Variants in COL1A2 observed in about 807,000 individuals in gnomAD.
COL1A2 encodes collagen alpha-2(I) chain.
COL1A2 carries 49 observed loss-of-function variants against 174.3 expected under a neutral mutation model. That is an observed-to-expected ratio of 0.28 (90% CI 0.22 to 0.36). The LOEUF (loss-of-function observed/expected upper bound fraction) is 0.36. Ranked by LOEUF, COL1A2 falls within the 10% of genes least tolerant of loss-of-function variation. The pLI is 1.00. For synonymous variants in COL1A2, 655 were observed against 606.6 expected (o/e 1.08, Z -1.17); for missense variants, 1,438 against 1,822.7 (o/e 0.79, Z 3.84).
intron 39 of COL1A2, chr7:94,422,605 C>CAAAG (rs1792190095): frequency 4.7e-6 from 1 of 211,186 alleles, no homozygotes; most frequent in South Asian, 9.2e-5. Context: ...AAAGAAAAGG[C>CAAAG]AAAGTCCTTC....
rs543153999 is a variant in COL1A2, at chr7:94,415,893, T to A, written c.1765-512T>A. Among the ~76,000 whole-genome samples the A allele has an allele frequency of 2.0e-5, 3 of 152,228 alleles. No homozygotes were observed. In the East Asian group the frequency reaches 5.8e-4, roughly 29 times the overall value. On this transcript the variant is annotated intron_variant, in intron 30 of 51. Coordinates refer to ENST00000297268, the MANE Select transcript of COL1A2 (RefSeq NM_000089.4). ...AGATGTAAATTGGGAGATATTTAGATAGACAGACATATATATATATACACA... is the reference window on the plus strand; with the variant it reads ...AGATGTAAATTGGGAGATATTTAGAAAGACAGACATATATATATATACACA...
Position 94,404,862 on chromosome 7 carries a change from A to C in COL1A2, c.402A>C (p.Pro134=), listed in dbSNP as rs757043526. 6 of 1,613,950 alleles carry C rather than the reference A, an allele frequency of 3.7e-6. No homozygotes were observed. The East Asian group carries it at 1.3e-4, about 36-fold the overall frequency. Residue 134 remains proline (P), a synonymous_variant, in exon 9 of 52, where the codon CCA becomes CCC. Transcript: ENST00000297268. The part of the protein sequence containing the change: ...GQTGPAGARG[P]AGPPGKAGED... ...AGGGTCCTGCAGGTGCTCGTGGTCC[A>C]GCTGGCCCTCCTGGCAAGGCTGGTG...
At chr7:94,422,760 A>G (rs1443037784) in intron 39 of COL1A2, 197 bp from the exon 40 acceptor site, 1 of 661,000 alleles carries the variant, frequency 1.5e-6, no homozygotes. Flanking sequence ...GGTTGGTTAC[A>G]GCCTCATAAA....
intron 11 of COL1A2, 128 bp downstream of exon 11, chr7:94,405,854 G>A: frequency 1.2e-6 from 1 of 836,162 alleles, no homozygotes; most frequent in East Asian, 2.4e-5. Context: ...AGGGAAGAAA[G>A]AGTTAAAGAG....
intron 10 of COL1A2, 110 bp downstream of exon 10, chr7:94,405,362 A>G (rs1791774296): frequency 5.6e-6 from 6 of 1,080,176 alleles, no homozygotes; most frequent in Admixed American, 2.1e-5. Flanking sequence ...AACTCATAAC[A>G]TGAATCGAAG....
At chr7:94,430,178 A>C in intron 51 of COL1A2, 69 bp from the exon 52 acceptor site, 1 of 1,484,414 alleles carries the variant, frequency 6.7e-7, no homozygotes, top group East Asian at 2.3e-5. Flanking sequence ...TTATTAAATC[A>C]AAGGTTCAGA....
In COL1A2 at chr7:94,422,969, C is replaced by T. The variant is rs2115940848; in HGVS notation, c.2416C>T (p.Pro806Ser). The T allele has an allele frequency of 6.2e-7, 1 of 1,614,050 alleles. No homozygotes were observed. Among genetic ancestry groups the T allele is most frequent in the Middle Eastern group, 1.6e-4 (1 of 6,062 alleles). ...CATTTGCTCATAGGGTATTTCTGGC[C>T]CTCCTGGTCCCCCTGGTCCTGCTGG... ...GPPGPSGISGPPGPPGPAGKE... is the reference protein window; with the variant it reads ...GPPGPSGISGSPGPPGPAGKE... The change falls in exon 40 of 52, where the codon CCT (proline) becomes TCT (serine). Residue 806 changes from proline to serine, a missense_variant. Coordinates refer to ENST00000297268, the MANE Select transcript of COL1A2 (RefSeq NM_000089.4).
At chr7:94,421,761 A>G (rs531745320) in intron 38 of COL1A2, 138 bp from the exon 39 acceptor site, 8 of 668,868 alleles carry the variant, frequency 1.2e-5, no homozygotes, top group East Asian at 3.0e-5. Flanking sequence ...ATAATGCCCT[A>G]TATGAAGCTG....
intron 1 of COL1A2, 100 bp downstream of exon 1, chr7:94,395,201 C>A: frequency 1.1e-6 from 1 of 933,500 alleles, no homozygotes; most frequent in Non-Finnish European, 1.8e-6. Flanking sequence ...ATTCCAGGTA[C>A]ACTTGGAGGG....
intron 30 of COL1A2, among the ~76,000 whole-genome samples, chr7:94,415,894 A>T (rs1371718282): frequency 6.6e-6 from 1 of 152,140 alleles, no homozygotes; most frequent in Non-Finnish European, 1.5e-5. Context: ...ATATTTAGAT[A>T]GACAGACATA....
At chr7:94,415,981 T>C (rs1435467619) in intron 30 of COL1A2, among the ~76,000 whole-genome samples, 2 of 152,146 alleles carry the variant, frequency 1.3e-5, no homozygotes, top group African/African-American at 4.8e-5. Context: ...CACAGGGTTA[T>C]AAAAAGGGGG....
At position 94,411,114 on chromosome 7, in the gene COL1A2, A is replaced by T. The variant is rs1282395129; in HGVS notation, c.1310A>T (p.Asp437Val). 4 of 1,601,532 alleles carry T rather than the reference A, an allele frequency of 2.5e-6. No individual in the cohort carries two copies. Among genetic ancestry groups the T allele is most frequent in the Non-Finnish European group, 3.4e-6 (4 of 1,174,638 alleles). Residue 437 changes from aspartate to valine, a missense_variant, in exon 23 of 52, where the codon GAT becomes GTT. Asp to Val is a radical substitution (Grantham distance 152). Around this residue, in one of 3 missense-constraint regions of COL1A2, gnomAD observed 867 missense variants for 1,213.7 expected, o/e 0.71. Transcript: ENST00000297268. ...GPAGVRGPNG[D>V]AGRPGEPGLM... The stretch of plus-strand genomic sequence containing the variant: ...GCTGGAGTCCGAGGACCTAATGGAG[A>T]TGCTGGTCGCCCTGGGGAGCCTGGT...
At chr7:94,396,477 A>G (rs1457820591) in intron 1 of COL1A2, among the ~76,000 whole-genome samples, 1 of 152,180 alleles carries the variant, frequency 6.6e-6, no homozygotes, top group Non-Finnish European at 1.5e-5. Context: ...GTGGGAGGAA[A>G]GAGTCGGCTC....
intron 13 of COL1A2, 137 bp from the exon 14 acceptor site, chr7:94,408,046 T>C (rs1584317977): frequency 1.7e-6 from 2 of 1,190,470 alleles, no homozygotes; most frequent in East Asian, 5.1e-5. Context: ...TCCACTACTG[T>C]TTAGTTGGAA....
chr7:94,428,173 A>G, intron 49 of COL1A2, 120 bp from the exon 50 acceptor site: 1 of 959,798 alleles, frequency 1.0e-6, no homozygotes, highest in Non-Finnish European at 1.7e-6. Context: ...TTCCTCTTAA[A>G]TATGGGGTAG....
intron 41 of COL1A2, 149 bp downstream of exon 41, chr7:94,424,592 T>G (rs1792236061): frequency 3.0e-6 from 2 of 676,812 alleles, no homozygotes; most frequent in Non-Finnish European, 5.1e-6. Flanking sequence ...GTCACTTATC[T>G]AAGAAGCTTT....
chr7:94,426,214 TCTTATG>T (rs1427325756), intron 45 of COL1A2, among the ~76,000 whole-genome samples, 163 bp downstream of exon 45: 9 of 152,366 alleles, frequency 5.9e-5, no homozygotes, highest in African/African-American at 1.9e-4. Context: ...ATTTTAAATC[TCTTATG>T]CTTGTTTGTA....
chr7:94,398,913 A>C, intron 3 of COL1A2, 136 bp from the exon 4 acceptor site: 1 of 843,496 alleles, frequency 1.2e-6, no homozygotes, highest in Non-Finnish European at 2.0e-6. Flanking sequence ...GCATTGTGTC[A>C]ATTTTTTATA....
chr7:94,418,140 A>T (rs1385323601), intron 32 of COL1A2, among the ~76,000 whole-genome samples: 1 of 152,192 alleles, frequency 6.6e-6, no homozygotes, highest in South Asian at 2.1e-4. Flanking sequence ...AACAGCTGTC[A>T]ACCATGCTGC....
Sources: allele counts gnomAD v4.1 joint callset (sites outside exome capture counted in the v4.1 genomes callset), GRCh38; gene constraint gnomAD v4.1.1; regional missense constraint gnomAD v4.1.1; transcripts MANE v1.5; gene names NCBI Gene and HGNC (gene_info 2026-07-23, HGNC 2026-07-21).